STX8: variants seen among roughly 807,000 people sequenced by gnomAD.
STX8 encodes syntaxin 8.
STX8 carries 23 observed loss-of-function variants against 37.5 expected under a neutral mutation model. That is an observed-to-expected ratio of 0.61 (90% CI 0.44 to 0.87). The LOEUF is 0.87. STX8 is among the 40% of genes least tolerant of loss of function. The probability of loss-of-function intolerance (pLI) is 0.00; values close to 1 mark genes in which losing one functional copy is unlikely to be tolerated. For missense variants in STX8, 313 were observed against 284.7 expected (o/e 1.10, Z -0.71); for synonymous variants, 115 against 99.1 (o/e 1.16, Z -0.95).
chr17:9,286,003 G>T (rs1044466482), intron 7 of STX8, among the ~76,000 whole-genome samples: 1 of 151,940 alleles, frequency 6.6e-6, no homozygotes, highest in Admixed American at 6.6e-5. Flanking sequence ...GGAGCGCTTT[G>T]GAAACGCCGA....
At chr17:9,550,287 C>A (rs1353001659) in intron 3 of STX8, among the ~76,000 whole-genome samples, 1 of 150,710 alleles carries the variant, frequency 6.6e-6, no homozygotes, top group Non-Finnish European at 1.5e-5. Flanking sequence ...TCCTCTTCCA[C>A]CAACCTGGTG....
chr17:9,254,500 A>G (rs1328976482), intron 7 of STX8, among the ~76,000 whole-genome samples: 1 of 151,856 alleles, frequency 6.6e-6, no homozygotes, highest in African/African-American at 2.4e-5. Flanking sequence ...GGTTCAAGCA[A>G]TTCTCCTGCT....
At chr17:9,406,861 G>C (rs988442140) in intron 6 of STX8, among the ~76,000 whole-genome samples, 1 of 152,108 alleles carries the variant, frequency 6.6e-6, no homozygotes. Context: ...CGGGTCAAGT[G>C]TATATTGGAC....
intron 7 of STX8, among the ~76,000 whole-genome samples, chr17:9,332,907 AC>A (rs2142219875): frequency 6.6e-6 from 1 of 152,216 alleles, no homozygotes; most frequent in East Asian, 1.9e-4. Flanking sequence ...ATTTTTGGCT[AC>A]CTTTGGGGAA....
In STX8 at chr17:9,377,717, A is replaced by G. The variant is rs760029938; in HGVS notation, c.643+835T>C. ...TTTATAGAGACAGAGAGGTCTTGCT[A>G]TGTTGCCCAGGCTGGTCTCAAACTC... On this transcript the variant is annotated intron_variant, in intron 7 of 7. Coordinates refer to ENST00000306357, the MANE Select transcript of STX8 (RefSeq NM_004853.3). Among the ~76,000 whole-genome samples the G allele has an allele frequency of 1.1e-4, 17 of 152,210 alleles. 1 individual carries two copies. Among genetic ancestry groups the G allele is most frequent in the Middle Eastern group, 3.4e-3 (1 of 294 alleles).
intron 7 of STX8, among the ~76,000 whole-genome samples, chr17:9,304,071 A>G (rs1191224111): frequency 6.6e-6 from 1 of 152,220 alleles, no homozygotes; most frequent in East Asian, 1.9e-4. Context: ...AAATTTATAA[A>G]AAGTCTCTCA....
At chr17:9,403,682 TG>T (rs1443669174) in intron 6 of STX8, among the ~76,000 whole-genome samples, 5 of 152,090 alleles carry the variant, frequency 3.3e-5, no homozygotes, top group Admixed American at 3.3e-4. Flanking sequence ...AGTCTCGCTC[TG>T]TCGCCCAGGC....
intron 4 of STX8, among the ~76,000 whole-genome samples, chr17:9,514,467 T>C (rs1289265988): frequency 6.6e-6 from 1 of 151,972 alleles, no homozygotes; most frequent in Non-Finnish European, 1.5e-5. Context: ...TAGCTAGGCA[T>C]GGTGGCGGGC....
chr17:9,311,271 G>A (rs983310019), intron 7 of STX8, among the ~76,000 whole-genome samples: 2 of 151,684 alleles, frequency 1.3e-5, no homozygotes, highest in African/African-American at 4.8e-5. Context: ...AGTCAGTGGG[G>A]TAATACAGAA....
chr17:9,558,647 C>T (rs1035967435), intron 2 of STX8, among the ~76,000 whole-genome samples: 8 of 151,916 alleles, frequency 5.3e-5, no homozygotes, highest in Admixed American at 5.2e-4. Flanking sequence ...GACGGTGAAA[C>T]CCCGTCTCTA....
chr17:9,522,433 C>A (rs572024649), intron 4 of STX8, among the ~76,000 whole-genome samples: 1 of 151,664 alleles, frequency 6.6e-6, no homozygotes, highest in Admixed American at 6.6e-5. Context: ...CACGGTGGCT[C>A]ACGCCTATAA....
intron 6 of STX8, among the ~76,000 whole-genome samples, chr17:9,466,260 C>T (rs1417023378): frequency 1.3e-5 from 2 of 152,208 alleles, no homozygotes; most frequent in African/African-American, 4.8e-5. Context: ...CTTGAGCCAT[C>T]ACGCCCAGCT....
At chr17:9,511,654 G>A (rs747071258) in intron 4 of STX8, among the ~76,000 whole-genome samples, 4 of 152,070 alleles carry the variant, frequency 2.6e-5, no homozygotes, top group Admixed American at 6.6e-5. Context: ...CAGAAAAGGT[G>A]AAAGCTTTGC....
intron 1 of STX8, among the ~76,000 whole-genome samples, chr17:9,572,092 G>A (rs1289495817): frequency 6.6e-6 from 1 of 152,096 alleles, no homozygotes; most frequent in East Asian, 1.9e-4. Flanking sequence ...AGAAGACCAT[G>A]CTACCAACAT....
intron 7 of STX8, among the ~76,000 whole-genome samples, chr17:9,299,882 G>T (rs970043890): frequency 1.3e-5 from 2 of 152,138 alleles, no homozygotes; most frequent in Admixed American, 6.6e-5. Context: ...TTCAGTTTGG[G>T]TTTGCCTCAA....
rs73976033 is a variant in STX8 at position 9,293,232 on chromosome 17, A to G, written c.644-42587T>C. 9.5e-4 allele frequency among the ~76,000 whole-genome samples: 144 copies of G among 152,302 alleles called. 1 individual carries two copies. The highest frequency in any genetic ancestry group is 3.3e-3 in the African/African-American group (137 of 41,564). ...TCATTTCACCCTCACAAATCTCCCA[A>G]TGTTGGGTAGATCCCATGAATACTT... is the stretch of plus-strand genomic sequence containing the variant. On this transcript the variant is annotated intron_variant, in intron 7 of 7. Coordinates refer to ENST00000306357, the MANE Select transcript of STX8 (RefSeq NM_004853.3).
rs79950884 is a variant in STX8 at position 9,258,520 on chromosome 17, G to C, written c.644-7875C>G. On this transcript the variant is annotated intron_variant, in intron 7 of 7. Transcript: ENST00000306357. Reference sequence around the variant, plus strand: ...TGACACTAGCAGCCTTCCTACAGCCGCTGCTCAGCTGCGCCAGGGGAAACC... The same window carrying C: ...TGACACTAGCAGCCTTCCTACAGCCCCTGCTCAGCTGCGCCAGGGGAAACC... Among the ~76,000 whole-genome samples, 320 of 152,324 alleles carry C rather than the reference G, an allele frequency of 2.1e-3. 2 individuals carry two copies. The highest frequency in any genetic ancestry group is 7.2e-3 in the African/African-American group (300 of 41,558).
chr17:9,439,522 C>A (rs1009877447), intron 6 of STX8, among the ~76,000 whole-genome samples: 1 of 151,180 alleles, frequency 6.6e-6, no homozygotes, highest in African/African-American at 2.4e-5. Context: ...ACTGTACTTA[C>A]TGCCATATAA....
chr17:9,437,935 T>G (rs1035421985), intron 6 of STX8: 4 of 152,160 alleles, frequency 2.6e-5, no homozygotes. Flanking sequence ...ATTCTGGCCT[T>G]TGAAATAAGG....
Sources: allele counts gnomAD v4.1 joint callset (sites outside exome capture counted in the v4.1 genomes callset), GRCh38; gene constraint gnomAD v4.1.1; transcripts MANE v1.5; gene names NCBI Gene and HGNC (gene_info 2026-07-23, HGNC 2026-07-21).